Variants in SCTR observed in about 807,000 individuals in gnomAD.
The protein encoded by SCTR is secretin receptor.
SCTR carries 56 observed loss-of-function variants against 60.8 expected under a neutral mutation model. The observed-to-expected ratio is 0.92, with a 90% CI of 0.74 to 1.15. The LOEUF is 1.15. Among genes scored for constraint, SCTR ranks in the 50% most tolerant of loss-of-function variants. SCTR has a pLI of 0.00. For missense variants in SCTR, 562 were observed against 550.4 expected (o/e 1.02, Z -0.21); for synonymous variants, 202 against 217.0 (o/e 0.93, Z 0.61).
chr2:119,476,608 A>G (rs145516792), intron 3 of SCTR: 1 of 152,234 alleles, frequency 6.6e-6, no homozygotes, highest in African/African-American at 2.4e-5. Flanking sequence ...TTGAGAAAGG[A>G]TGTGACAGGA....
At chr2:119,488,476 G>C (rs1178657000) in intron 2 of SCTR, among the ~76,000 whole-genome samples, 1 of 152,260 alleles carries the variant, frequency 6.6e-6, no homozygotes, top group Non-Finnish European at 1.5e-5. Context: ...GCACGGTCAG[G>C]ACCTGGCGGA....
At position 119,461,711 on chromosome 2, in the gene SCTR, CAAAAAAAAAA is replaced by C. The variant is rs539293803; in HGVS notation, c.790+126_790+135del. On this transcript the variant is annotated intron_variant, in intron 7 of 12. Transcript: ENST00000019103. ...GGGCAACAAGAGCAAAACTCCAACT[CAAAAAAAAAA>C]AAAAAAAAAAAGATTACACAAGTTA... is the stretch of plus-strand genomic sequence containing the variant. 2.1e-5 allele frequency: 6 copies of C among 291,098 alleles called. No individual in the cohort carries two copies. In the East Asian group the frequency reaches 3.6e-4, roughly 18 times the overall value. 18.0% of individuals were successfully genotyped at this position (291,098 alleles called of 1,614,324 possible).
rs1381402280 is a variant in SCTR, at chr2:119,465,873, A to C, written c.419T>G (p.Leu140Arg). 2 of 1,613,426 alleles carry C rather than the reference A, an allele frequency of 1.2e-6. No homozygotes were observed. The highest frequency in any genetic ancestry group is 1.7e-6 in the Non-Finnish European group (2 of 1,179,384). ...SSNEKRHSYL[L>R]KLKVMYTVGY... ...CACGGTGTACATGACTTTCAGCTTC[A>C]GCAGGTAGGAGTGCTGCAGAGAGAG... is the stretch of plus-strand genomic sequence containing the variant. Residue 140 changes from leucine to arginine, a missense_variant, in exon 5 of 13, where the codon CTG (leucine) becomes CGG (arginine). By Grantham distance (102) the Leu-to-Arg change is moderately radical. Coordinates refer to ENST00000019103, the MANE Select transcript of SCTR (RefSeq NM_002980.3).
chr2:119,483,440 C>T (rs552203289), intron 2 of SCTR, among the ~76,000 whole-genome samples: 1 of 152,268 alleles, frequency 6.6e-6, no homozygotes, highest in East Asian at 1.9e-4. Flanking sequence ...GCCTTGGTGG[C>T]AGCAGACCTG....
rs556181615 is a variant in SCTR, at chr2:119,465,946, C to T, written c.406-60G>A. The T allele has an allele frequency of 4.8e-5, 59 of 1,221,002 alleles. No homozygotes were observed. The Admixed American group carries it at 9.6e-4, about 20-fold the overall frequency. The allele number at this position is 1,221,002 out of a possible 1,614,324, so 75.6% of individuals were successfully genotyped here. A position where few individuals can be genotyped will look rare whatever the true frequency, so the allele number is the denominator to read the frequency against. ...CTCCTGGCTAGCTCTGCCTTCTGTG[C>T]CTCACTGCATCCGCTTCAGGCAGCT... On this transcript the variant is annotated intron_variant, in intron 4 of 12. Transcript: ENST00000019103.
chr2:119,486,861 A>C (rs1424147913), intron 2 of SCTR: 1 of 152,268 alleles, frequency 6.6e-6, no homozygotes, highest in Non-Finnish European at 1.5e-5. Flanking sequence ...GGCAGAGGTG[A>C]GCTGTGGGCA....
chr2:119,446,110 G>A (rs370143814), intron 11 of SCTR, among the ~76,000 whole-genome samples: 7 of 152,240 alleles, frequency 4.6e-5, no homozygotes, highest in Admixed American at 1.3e-4. Flanking sequence ...GTAGGTAAGC[G>A]CTTTTCCACC....
intron 1 of SCTR, among the ~76,000 whole-genome samples, chr2:119,502,661 T>C (rs1020834379): frequency 3.9e-5 from 6 of 151,980 alleles, no homozygotes; most frequent in Admixed American, 3.3e-4. Flanking sequence ...CAGATCATAA[T>C]ACAGACATAC....
chr2:119,441,624 G>A, intron 11 of SCTR, 25 bp from the exon 12 acceptor site: 1 of 1,609,794 alleles, frequency 6.2e-7, no homozygotes, highest in Non-Finnish European at 8.5e-7. Context: ...GAGGTAGCAG[G>A]GTTAGCACAG....
rs900979875 is a variant in SCTR at position 119,454,106 on chromosome 2, G to A, written c.791-759C>T. 7.9e-5 allele frequency among the ~76,000 whole-genome samples: 12 copies of A among 152,264 alleles called. No individual in the cohort carries two copies. The East Asian group carries it at 2.3e-3, about 30-fold the overall frequency. ...CGGCAACACGCTTAGGCACACAGAA[G>A]CCTGCCAGAGGAGTGGCAGCTGATG... On this transcript the variant is annotated intron_variant, in intron 7 of 12. Transcript: ENST00000019103.
intron 11 of SCTR, among the ~76,000 whole-genome samples, chr2:119,443,651 A>G (rs946668130): frequency 6.6e-6 from 1 of 152,068 alleles, no homozygotes; most frequent in African/African-American, 2.4e-5. Context: ...GGTTCAAGCA[A>G]TTCTCTTGCC....
intron 3 of SCTR, among the ~76,000 whole-genome samples, chr2:119,474,480 C>A (rs538374095): frequency 6.6e-6 from 1 of 152,300 alleles, no homozygotes; most frequent in African/African-American, 2.4e-5. Context: ...CTCTGAGCTG[C>A]CAAGGAGGGC....
Position 119,465,816 on chromosome 2 carries a change from A to G in SCTR, c.476T>C (p.Val159Ala). ...GAAAGCACAGAGGATGCCAAGGGCG[A>G]CCAGGAGCATGACCAGGGAGGAGCT... ...GYSSSLVMLL[V>A]ALGILCAFRR... Residue 159 changes from valine to alanine, a missense_variant, in exon 5 of 13, where the codon GTC (valine) becomes GCC (alanine). Coordinates refer to ENST00000019103, the MANE Select transcript of SCTR (RefSeq NM_002980.3). 6.2e-7 allele frequency: 1 copy of G among 1,613,946 alleles called. No individual in the cohort carries two copies. The highest frequency in any genetic ancestry group is 8.5e-7 in the Non-Finnish European group (1 of 1,179,866).
intron 1 of SCTR, among the ~76,000 whole-genome samples, chr2:119,520,067 T>A (rs1054414110): frequency 6.6e-6 from 1 of 152,130 alleles, no homozygotes; most frequent in Non-Finnish European, 1.5e-5. Context: ...TAAAGGAGCC[T>A]TCATCATCCT....
intron 1 of SCTR, among the ~76,000 whole-genome samples, chr2:119,508,824 G>A (rs547097977): frequency 5.3e-5 from 8 of 152,202 alleles, no homozygotes; most frequent in East Asian, 1.9e-4. Flanking sequence ...TTGTGTGTGC[G>A]GTGAAAACAC....
At chr2:119,504,075 A>G (rs1678650042) in intron 1 of SCTR, among the ~76,000 whole-genome samples, 2 of 152,236 alleles carry the variant, frequency 1.3e-5, no homozygotes, top group South Asian at 4.1e-4. Flanking sequence ...AAAGTAGATC[A>G]ATGGACACAA....
At chr2:119,451,213 G>A (rs554569471) in intron 9 of SCTR, among the ~76,000 whole-genome samples, 12 of 151,446 alleles carry the variant, frequency 7.9e-5, no homozygotes, top group Non-Finnish European at 1.0e-4. Flanking sequence ...TGGGCTGTCC[G>A]TGTGGATGTT....
chr2:119,440,698 G>C (rs1056503160), intron 12 of SCTR, among the ~76,000 whole-genome samples: 3 of 152,100 alleles, frequency 2.0e-5, no homozygotes. Flanking sequence ...GTGTGGGTAG[G>C]GCAAGGCCTG....
intron 1 of SCTR, among the ~76,000 whole-genome samples, chr2:119,517,495 G>C (rs897000644): frequency 6.6e-6 from 1 of 152,160 alleles, no homozygotes; most frequent in Non-Finnish European, 1.5e-5. Context: ...TTATAAAAAA[G>C]AATCCAGTGA....
Sources: allele counts gnomAD v4.1 joint callset (sites outside exome capture counted in the v4.1 genomes callset), GRCh38; gene constraint gnomAD v4.1.1; transcripts MANE v1.5; gene names NCBI Gene and HGNC (gene_info 2026-07-23, HGNC 2026-07-21).